FTO: variants seen among roughly 807,000 people sequenced by gnomAD.
FTO encodes the protein alpha-ketoglutarate-dependent dioxygenase FTO.
Under a neutral mutation model 63.9 loss-of-function variants are expected in FTO, and 47 were observed. The ratio of observed to expected loss-of-function variants is 0.74; its 90% CI spans 0.58 to 0.94. The LOEUF (loss-of-function observed/expected upper bound fraction) is 0.94, where lower values mean the gene tolerates loss of function less well. Ranked by LOEUF, FTO falls within the 40% of genes least tolerant of loss-of-function variation. The probability of loss-of-function intolerance (pLI) is 0.00; values close to 1 mark genes in which losing one functional copy is unlikely to be tolerated. For synonymous variants in FTO, 207 were observed against 224.4 expected, an observed-to-expected ratio of 0.92 and a Z score of 0.69; for missense variants, 562 against 618.1, an observed-to-expected ratio of 0.91 and a Z score of 0.96.
At chr16:53,804,746 G>C (rs62033416) in intron 1 of FTO, among the ~76,000 whole-genome samples, 1 of 150,586 alleles carries the variant, frequency 6.6e-6, no homozygotes, top group Non-Finnish European at 1.5e-5. Context: ...CACCCTAGAA[G>C]CTGGAATTAC....
intron 8 of FTO, among the ~76,000 whole-genome samples, chr16:54,059,903 G>GT (rs376496728): frequency 0.19 from 28,431 of 151,290 alleles, 4,327 homozygotes; most frequent in African/African-American, 0.42. Context: ...GTTTTTTTTT[G>GT]TTTTTTGTTT....
chr16:54,016,386 G>A (rs2084450725), intron 8 of FTO, among the ~76,000 whole-genome samples: 1 of 151,942 alleles, frequency 6.6e-6, no homozygotes, highest in Admixed American at 6.6e-5. Context: ...TTTTAGATGA[G>A]GTATCTCCTA....
At chr16:53,883,670 A>T (rs551042648) in intron 6 of FTO, among the ~76,000 whole-genome samples, 16 of 151,622 alleles carry the variant, frequency 1.1e-4, no homozygotes, top group Admixed American at 9.2e-4. Flanking sequence ...TGCTTCAGAA[A>T]GTGACTGGCT....
rs1023190639 is a variant in FTO at position 54,048,221 on chromosome 16, A to C, written c.1365-63541A>C. 1.1e-4 allele frequency among the ~76,000 whole-genome samples: 14 copies of C among 124,128 alleles called. No homozygotes were observed. The South Asian group carries it at 3.6e-3, about 32-fold the overall frequency. 81.4% of individuals were successfully genotyped at this position (124,128 alleles called of 152,430 possible). On this transcript the variant is annotated intron_variant, in intron 8 of 8. Coordinates refer to ENST00000471389, the MANE Select transcript of FTO (RefSeq NM_001080432.3). ...ACTTCTGCTGTTTAATGTAAAAAAAAATAAAAAATAAAAAATAAAAAAATA... is the reference window on the plus strand; with the variant it reads ...ACTTCTGCTGTTTAATGTAAAAAAACATAAAAAATAAAAAATAAAAAAATA...
chr16:53,706,679 G>A (rs537207656), intron 1 of FTO, among the ~76,000 whole-genome samples: 6 of 152,240 alleles, frequency 3.9e-5, no homozygotes, highest in South Asian at 4.1e-4. Flanking sequence ...GATTATAGGC[G>A]TGAGCCACTG....
intron 4 of FTO, among the ~76,000 whole-genome samples, chr16:53,852,101 C>CAAAAAAAAACAAAAAA (rs2079818562): frequency 1.8e-5 from 1 of 54,444 alleles, no homozygotes; most frequent in Non-Finnish European, 3.8e-5. Context: ...ACAAAAAATA[C>CAAAAAAAAACAAAAAA]AAAAAAAAAA....
chr16:53,886,441 A>G (rs1445728920), intron 6 of FTO, among the ~76,000 whole-genome samples: 2 of 152,228 alleles, frequency 1.3e-5, no homozygotes, highest in African/African-American at 2.4e-5. Flanking sequence ...AAATCCATCA[A>G]AAAGAACTCA....
chr16:54,118,385 G>A lies in FTO; in HGVS notation c.*6470G>A, dbSNP rs12445809. 2.7e-5 allele frequency: 4 copies of A among 148,266 alleles called. No homozygotes were observed. Among genetic ancestry groups the A allele is most frequent in the Non-Finnish European group, 4.5e-5 (3 of 67,308 alleles). The allele number at this position is 148,266 out of a possible 1,614,324, so 9.2% of individuals were successfully genotyped here. A position where few individuals can be genotyped will look rare whatever the true frequency, so the allele number is the denominator to read the frequency against. The stretch of plus-strand genomic sequence containing the variant: ...TTTTTTCTTTTTTTTTTTCAGACAG[G>A]GTCTCACCCTGTCACGTAGGCTGGA... On this transcript the variant is annotated 3_prime_UTR_variant, in exon 9 of 9. Coordinates refer to ENST00000471389, the MANE Select transcript of FTO (RefSeq NM_001080432.3).
intron 8 of FTO, among the ~76,000 whole-genome samples, chr16:53,941,644 C>A (rs905945710): frequency 2.0e-5 from 3 of 152,052 alleles, no homozygotes; most frequent in African/African-American, 7.2e-5. Context: ...CTCAGGAGTT[C>A]GAGAACAGCC....
intron 1 of FTO, among the ~76,000 whole-genome samples, chr16:53,739,449 T>A (rs1250607475): frequency 3.3e-5 from 5 of 151,300 alleles, no homozygotes; most frequent in Admixed American, 6.6e-5. Flanking sequence ...CTCCTGACCT[T>A]GTGATCCGCC....
chr16:54,060,475 T>A (rs1283973866), intron 8 of FTO, among the ~76,000 whole-genome samples: 1 of 152,130 alleles, frequency 6.6e-6, no homozygotes, highest in African/African-American at 2.4e-5. Flanking sequence ...AATACTATTA[T>A]CTCCATTTTA....
intron 1 of FTO, among the ~76,000 whole-genome samples, chr16:53,740,614 C>T (rs1280607849): frequency 6.6e-6 from 1 of 152,136 alleles, no homozygotes; most frequent in East Asian, 1.9e-4. Context: ...TGTAATGCTT[C>T]CTTTCAAATA....
At chr16:53,879,692 A>T (rs887592239) in intron 5 of FTO, 152 bp from the exon 6 acceptor site, 90 of 38,732 alleles carry the variant, frequency 2.3e-3, no homozygotes, top group East Asian at 0.024. Context: ...TCTCAAAATT[A>T]AAAAAAAAAA....
rs1170197665 is a variant in FTO at position 54,117,061 on chromosome 16, CT to C, written c.*5147del. 2 of 152,210 alleles carry C rather than the reference CT, an allele frequency of 1.3e-5. No homozygotes were observed. The highest frequency in any genetic ancestry group is 4.8e-5 in the African/African-American group (2 of 41,434). The allele number at this position is 152,210 out of a possible 1,614,324, so 9.4% of individuals were successfully genotyped here. A position where few individuals can be genotyped will look rare whatever the true frequency, so the allele number is the denominator to read the frequency against. On this transcript the variant is annotated 3_prime_UTR_variant, in exon 9 of 9. Coordinates refer to ENST00000471389, the MANE Select transcript of FTO (RefSeq NM_001080432.3). ...TGCATCCTCTGCTCTTTCTATCCCG[CT>C]GTCATTCATCAGATTTTCCAAATCT...
chr16:53,804,415 C>T (rs564846919), intron 1 of FTO, among the ~76,000 whole-genome samples: 10 of 152,216 alleles, frequency 6.6e-5, no homozygotes, highest in Middle Eastern at 3.4e-3. Flanking sequence ...GGTACCGCAT[C>T]GAGGAAGTGA....
At chr16:54,036,897 T>C (rs1467848569) in intron 8 of FTO, among the ~76,000 whole-genome samples, 2 of 152,216 alleles carry the variant, frequency 1.3e-5, no homozygotes, top group African/African-American at 2.4e-5. Context: ...GGTAGGCCTC[T>C]GTACGGATAC....
chr16:53,957,888 A>G (rs983775305), intron 8 of FTO, among the ~76,000 whole-genome samples: 3 of 152,266 alleles, frequency 2.0e-5, no homozygotes, highest in Admixed American at 1.3e-4. Context: ...ACCTCCTGCT[A>G]ACCGCTAATG....
chr16:53,911,533 C>A, intron 7 of FTO: 1 of 701,384 alleles, frequency 1.4e-6, no homozygotes. Context: ...TCTATAGATG[C>A]ATTTGTGTCA....
intron 8 of FTO, among the ~76,000 whole-genome samples, chr16:53,942,656 C>T (rs1210870323): frequency 6.6e-6 from 1 of 152,148 alleles, no homozygotes; most frequent in Non-Finnish European, 1.5e-5. Context: ...GATATCAGCA[C>T]AGTTATGAAC....
Sources: allele counts gnomAD v4.1 joint callset (sites outside exome capture counted in the v4.1 genomes callset), GRCh38; gene constraint gnomAD v4.1.1; transcripts MANE v1.5; gene names NCBI Gene and HGNC (gene_info 2026-07-23, HGNC 2026-07-21).